The following MACROD2 variants were observed in gnomAD, a reference collection of about 807,000 sequenced individuals.
MACROD2 encodes the protein ADP-ribose glycohydrolase MACROD2.
A neutral mutation model predicts 70.4 loss-of-function variants in MACROD2; 36 were observed. That is an observed-to-expected ratio of 0.51 (90% CI 0.39 to 0.68). The LOEUF is 0.68. Among genes scored for constraint, MACROD2 ranks in the 30% least tolerant of loss-of-function variants. The probability of loss-of-function intolerance (pLI) is 0.00; values close to 1 mark genes in which losing one functional copy is unlikely to be tolerated. For synonymous variants in MACROD2, 172 were observed against 178.8 expected, an observed-to-expected ratio of 0.96 and a Z score of 0.30; for missense variants, 496 against 538.4, an observed-to-expected ratio of 0.92 and a Z score of 0.78.
At chr20:15,344,553 G>T (rs564601280) in intron 6 of MACROD2, among the ~76,000 whole-genome samples, 1 of 152,038 alleles carries the variant, frequency 6.6e-6, no homozygotes, top group African/African-American at 2.4e-5. Flanking sequence ...AGTTTTTTTC[G>T]TATAGAAACA....
chr20:14,796,625 C>T (rs1429726011), intron 5 of MACROD2, among the ~76,000 whole-genome samples: 2 of 152,042 alleles, frequency 1.3e-5, no homozygotes, highest in Admixed American at 6.6e-5. Flanking sequence ...TAACTGTGCT[C>T]GACTTTTTGT....
intron 6 of MACROD2, among the ~76,000 whole-genome samples, chr20:15,326,194 A>G (rs1258915368): frequency 6.6e-6 from 1 of 152,090 alleles, no homozygotes; most frequent in Non-Finnish European, 1.5e-5. Flanking sequence ...TTACTTTGGA[A>G]ATGTCTTCAT....
chr20:14,631,442 T>C (rs1382701213), intron 4 of MACROD2, among the ~76,000 whole-genome samples: 3 of 152,194 alleles, frequency 2.0e-5, no homozygotes, highest in Admixed American at 1.3e-4. Flanking sequence ...TGCCCGACTT[T>C]AGAATTCAAT....
intron 4 of MACROD2, among the ~76,000 whole-genome samples, chr20:14,577,781 TA>T (rs1980694143): frequency 4.5e-5 from 1 of 22,462 alleles, no homozygotes; most frequent in African/African-American, 7.4e-5. Flanking sequence ...GATCATTTCT[TA>T]AAAAGAAAAG....
chr20:15,738,888 G>A (rs1334410609), intron 8 of MACROD2, among the ~76,000 whole-genome samples: 1 of 152,110 alleles, frequency 6.6e-6, no homozygotes, highest in Non-Finnish European at 1.5e-5. Context: ...AGAGACTTGA[G>A]AAGTTTAAAA....
At chr20:15,966,052 G>T (rs929576941) in intron 12 of MACROD2, among the ~76,000 whole-genome samples, 34 of 152,216 alleles carry the variant, frequency 2.2e-4, no homozygotes, top group South Asian at 8.3e-4. Context: ...CTTGTGGCAG[G>T]TTCAAGAAAC....
chr20:14,228,861 G>C (rs940713285), intron 3 of MACROD2, among the ~76,000 whole-genome samples: 4 of 151,578 alleles, frequency 2.6e-5, no homozygotes, highest in Non-Finnish European at 5.9e-5. Flanking sequence ...ACAAAAATTA[G>C]CTGGGTGTGG....
intron 8 of MACROD2, among the ~76,000 whole-genome samples, chr20:15,773,601 T>A (rs1328294031): frequency 1.3e-5 from 2 of 152,168 alleles, no homozygotes; most frequent in Non-Finnish European, 2.9e-5. Context: ...TTACTGTGAT[T>A]TATTTTGACA....
chr20:15,758,539 CTT>C lies in MACROD2; in HGVS notation c.646-104191_646-104190del, dbSNP rs11337973. The stretch of plus-strand genomic sequence containing the variant: ...ACAGGCGTGAGTCACTGCACCCAGT[CTT>C]TTTTTTTTTTTTTTAAGAAACTGGG... On this transcript the variant is annotated intron_variant, in intron 8 of 17. Transcript: ENST00000684519. 5.0e-3 allele frequency among the ~76,000 whole-genome samples: 699 copies of C among 140,902 alleles called. 2 individuals are homozygous for C. Among genetic ancestry groups the C allele is most frequent in the African/African-American group, 7.7e-3 (295 of 38,104 alleles). The allele number at this position is 140,902 out of a possible 152,430, so 92.4% of individuals were successfully genotyped here.
At chr20:14,282,601 G>A (rs1162093447) in intron 3 of MACROD2, among the ~76,000 whole-genome samples, 1 of 152,150 alleles carries the variant, frequency 6.6e-6, no homozygotes, top group South Asian at 2.1e-4. Flanking sequence ...CCGGAGACTG[G>A]GTAATTTAAA....
At chr20:14,612,172 A>G (rs1475595591) in intron 4 of MACROD2, among the ~76,000 whole-genome samples, 1 of 152,188 alleles carries the variant, frequency 6.6e-6, no homozygotes, top group African/African-American at 2.4e-5. Context: ...AACAAGTTAA[A>G]TACAATTAAC....
At chr20:15,668,614 A>G (rs759637288) in intron 8 of MACROD2, among the ~76,000 whole-genome samples, 43 of 151,026 alleles carry the variant, frequency 2.8e-4, no homozygotes, top group Non-Finnish European at 5.9e-4. Context: ...TGCGCATTTC[A>G]TTCACATCAA....
chr20:14,152,588 G>A (rs1185828669), intron 3 of MACROD2, among the ~76,000 whole-genome samples: 3 of 151,780 alleles, frequency 2.0e-5, no homozygotes, highest in East Asian at 1.9e-4. Flanking sequence ...CACCATGCCC[G>A]GCTAATTTTT....
chr20:15,903,045 C>T lies in MACROD2; in HGVS notation c.775+17234C>T, dbSNP rs2065088866. ...ACCTGAAAAGCATAAAGGGGTAAGC[C>T]AGGCAGCTCTCTGGGAAAAGAGTGT... is the stretch of plus-strand genomic sequence containing the variant. On this transcript the variant is annotated intron_variant, in intron 10 of 17. Coordinates refer to ENST00000684519, the MANE Select transcript of MACROD2 (RefSeq NM_001351661.2). Among the ~76,000 whole-genome samples the T allele has an allele frequency of 2.6e-5, 4 of 152,196 alleles. No individual in the cohort carries two copies. The South Asian group carries it at 8.3e-4, about 32-fold the overall frequency.
intron 8 of MACROD2, among the ~76,000 whole-genome samples, chr20:15,633,121 A>G (rs754700890): frequency 6.6e-6 from 1 of 152,202 alleles, no homozygotes; most frequent in Non-Finnish European, 1.5e-5. Flanking sequence ...TTTATTACAC[A>G]TATGTATCTC....
At chr20:15,022,999 T>G (rs1260428911) in intron 5 of MACROD2, 1 of 151,900 alleles carries the variant, frequency 6.6e-6, no homozygotes, top group Admixed American at 6.6e-5. Context: ...TCTCTGTAGT[T>G]TTTTCTTTTC....
At chr20:14,270,130 A>G (rs2082178907) in intron 3 of MACROD2, among the ~76,000 whole-genome samples, 1 of 152,166 alleles carries the variant, frequency 6.6e-6, no homozygotes, top group South Asian at 2.1e-4. Context: ...AAAAATATAT[A>G]AGGCTCATAA....
At chr20:16,047,644 G>A (rs1030230302) in intron 17 of MACROD2, among the ~76,000 whole-genome samples, 1 of 146,718 alleles carries the variant, frequency 6.8e-6, no homozygotes, top group Admixed American at 7.0e-5. Context: ...CCTAGAAAAT[G>A]AGAATCCCTT....
intron 8 of MACROD2, among the ~76,000 whole-genome samples, chr20:15,841,209 G>A (rs2064166258): frequency 6.6e-6 from 1 of 152,144 alleles, no homozygotes; most frequent in Non-Finnish European, 1.5e-5. Context: ...GGGATGTTAA[G>A]GCAGAGAATG....
Sources: allele counts gnomAD v4.1 joint callset (sites outside exome capture counted in the v4.1 genomes callset), GRCh38; gene constraint gnomAD v4.1.1; transcripts MANE v1.5; gene names NCBI Gene and HGNC (gene_info 2026-07-23, HGNC 2026-07-21).